Variants in USP6NL observed in about 807,000 individuals in gnomAD.
USP6NL encodes USP6 N-terminal like, also known as USP6 N-terminal-like protein.
USP6NL carries 26 observed loss-of-function variants against 61.9 expected under a neutral mutation model. That is an observed-to-expected ratio of 0.42 (90% confidence interval 0.31 to 0.58). The LOEUF is 0.58. Ranked by LOEUF, USP6NL falls within the 20% of genes least tolerant of loss-of-function variation. USP6NL has a pLI of 0.16. For missense variants in USP6NL, 1,114 were observed against 1,034.3 expected, an observed-to-expected ratio of 1.08 and a Z score of -1.06; for synonymous variants, 432 against 390.1, an observed-to-expected ratio of 1.11 and a Z score of -1.27.
chr10:11,461,409 C>T lies in USP6NL; in HGVS notation c.*1032G>A, dbSNP rs2096213672. 1 of 152,094 alleles carries T rather than the reference C, an allele frequency of 6.6e-6. No homozygotes were observed. The highest frequency in any genetic ancestry group is 1.5e-5 in the Non-Finnish European group (1 of 68,020). The allele number at this position is 152,094 out of a possible 1,614,324, so 9.4% of individuals were successfully genotyped here. On this transcript the variant is annotated 3_prime_UTR_variant, in exon 15 of 15. Coordinates refer to ENST00000609104, the MANE Select transcript of USP6NL (RefSeq NM_014688.5). ...TGGCCTGATGAGGTGCAGCAATATC[C>T]GTCGACTACATTCCATAAAGAGGAC...
At position 11,555,471 on chromosome 10, in the gene USP6NL, A is replaced by AGAG. The variant is rs1566178235; in HGVS notation, c.5-27905_5-27904insCTC. Among the ~76,000 whole-genome samples, 72 of 62,120 alleles carry AGAG rather than the reference A, an allele frequency of 1.2e-3. 1 individual carries two copies. In the East Asian group the frequency reaches 0.018, roughly 15 times the overall value. 40.8% of individuals were successfully genotyped at this position (62,120 alleles called of 152,430 possible). ...ATATATAGAGAGAGAGAGAGAGAGA[A>AGAG]AGAGAGAGAGAGAGAGAGAGAGAAG... On this transcript the variant is annotated intron_variant, in intron 2 of 14. Coordinates refer to ENST00000609104, the MANE Select transcript of USP6NL (RefSeq NM_014688.5).
At chr10:11,594,164 A>G (rs896405735) in intron 2 of USP6NL, among the ~76,000 whole-genome samples, 2 of 151,940 alleles carry the variant, frequency 1.3e-5, no homozygotes, top group Non-Finnish European at 2.9e-5. Context: ...AAGACTTACA[A>G]CCCCCTAGAA....
At chr10:11,572,121 CTATGAT>C (rs879512352) in intron 2 of USP6NL, among the ~76,000 whole-genome samples, 4 of 151,554 alleles carry the variant, frequency 2.6e-5, no homozygotes, top group Non-Finnish European at 4.4e-5. Flanking sequence ...TTCCAAGTAA[CTATGAT>C]TGTGAATGAA....
In USP6NL at chr10:11,493,190, G is replaced by A; in HGVS notation, c.423C>T (p.Ile141=). Residue 141 remains isoleucine (I), a synonymous_variant, in exon 8 of 15, where the codon ATC becomes ATT. Transcript: ENST00000609104. The part of the protein sequence containing the change: ...KHRARGCSPD[I]RQIDLDVNRT... ...GGTTGACATCCAGGTCTATTTGTCTGATGTCAGGTGAACAGCCCCGTGCTC... is the reference window on the plus strand; with the variant it reads ...GGTTGACATCCAGGTCTATTTGTCTAATGTCAGGTGAACAGCCCCGTGCTC... 6.2e-7 allele frequency: 1 copy of A among 1,612,204 alleles called. No individual in the cohort carries two copies. Among genetic ancestry groups the A allele is most frequent in the Non-Finnish European group, 8.5e-7 (1 of 1,179,064 alleles).
At position 11,490,678 on chromosome 10, in the gene USP6NL, T is replaced by C. The variant is rs74428637; in HGVS notation, c.543+154A>G. Among the ~76,000 whole-genome samples, 556 of 152,300 alleles carry C rather than the reference T, an allele frequency of 3.7e-3. 4 individuals carry two copies. The highest frequency in any genetic ancestry group is 0.013 in the African/African-American group (538 of 41,558). On this transcript the variant is annotated intron_variant, in intron 9 of 14. Transcript: ENST00000609104. The surrounding 1 kb of genome is among the most constrained non-coding windows in gnomAD (Gnocchi z 4.5). ...GCTCTGTTCTAAGGCCCTAGGGTTA[T>C]CACAGGGTTTCAGCTTAAAAAGATC...
chr10:11,509,082 C>T (rs1258701687), intron 6 of USP6NL, among the ~76,000 whole-genome samples: 1 of 152,150 alleles, frequency 6.6e-6, no homozygotes, highest in Admixed American at 6.5e-5. Context: ...TAACTTAGCA[C>T]AAACTCAACG....
In USP6NL at chr10:11,463,896, G is replaced by A. The variant is rs1832317123; in HGVS notation, c.1079-47C>T. 2 of 1,445,092 alleles carry A rather than the reference G, an allele frequency of 1.4e-6. No individual in the cohort carries two copies. Among genetic ancestry groups the A allele is most frequent in the African/African-American group, 1.4e-5 (1 of 69,532 alleles). 89.5% of individuals were successfully genotyped at this position (1,445,092 alleles called of 1,614,324 possible). On this transcript the variant is annotated intron_variant, in intron 14 of 14. Coordinates refer to ENST00000609104, the MANE Select transcript of USP6NL (RefSeq NM_014688.5). The surrounding 1 kb of genome is among the most constrained non-coding windows in gnomAD (Gnocchi z 6.3). The stretch of plus-strand genomic sequence containing the variant: ...AAGTAAGATAATACACGAGTAAACA[G>A]TAGCCAGTTGAAGCAATCCATTAGT...
intron 2 of USP6NL, among the ~76,000 whole-genome samples, chr10:11,577,486 GTTGT>G (rs974973062): frequency 6.6e-6 from 1 of 151,960 alleles, no homozygotes; most frequent in African/African-American, 2.4e-5. Context: ...CTGTATATTA[GTTGT>G]TTGTTTTTTT....
At chr10:11,580,826 G>A (rs187379335) in intron 2 of USP6NL, among the ~76,000 whole-genome samples, 25 of 152,216 alleles carry the variant, frequency 1.6e-4, no homozygotes, top group Non-Finnish European at 3.2e-4. Flanking sequence ...TGGATGGATG[G>A]ATTGATGGAG....
At chr10:11,558,706 A>G (rs1230463502) in intron 2 of USP6NL, among the ~76,000 whole-genome samples, 1 of 152,200 alleles carries the variant, frequency 6.6e-6, no homozygotes, top group Admixed American at 6.5e-5. Context: ...TATAAACTAT[A>G]TCCATTTAAT....
chr10:11,560,500 A>G (rs1291310776), intron 2 of USP6NL, among the ~76,000 whole-genome samples: 1 of 151,802 alleles, frequency 6.6e-6, no homozygotes, highest in Non-Finnish European at 1.5e-5. Flanking sequence ...TTTTTCTTAT[A>G]TAACTCTGCC....
At chr10:11,565,707 G>A (rs1429590907) in intron 2 of USP6NL, 1 of 151,980 alleles carries the variant, frequency 6.6e-6, no homozygotes, top group East Asian at 1.9e-4. Context: ...TGTCACCACA[G>A]CGTAGGGTAG....
rs1838299693 is a variant in USP6NL at position 11,595,578 on chromosome 10, T to C, written c.4+2053A>G. Among the ~76,000 whole-genome samples the C allele has an allele frequency of 6.6e-6, 1 of 152,122 alleles. No homozygotes were observed. The highest frequency in any genetic ancestry group is 1.5e-5 in the Non-Finnish European group (1 of 68,026). ...TGACCCACTAACACAGACCTGATTCTGATCTGGGAACTCCAAAGCCAGGCA... is the reference window on the plus strand; with the variant it reads ...TGACCCACTAACACAGACCTGATTCCGATCTGGGAACTCCAAAGCCAGGCA... On this transcript the variant is annotated intron_variant, in intron 2 of 14. Transcript: ENST00000609104. The surrounding 1 kb of genome is among the most constrained non-coding windows in gnomAD (Gnocchi z 5.3).
At chr10:11,541,688 A>C (rs1836074731) in intron 2 of USP6NL, among the ~76,000 whole-genome samples, 1 of 152,136 alleles carries the variant, frequency 6.6e-6, no homozygotes, top group African/African-American at 2.4e-5. Flanking sequence ...ACCTCCCTAG[A>C]TGTGCACAGA....
chr10:11,518,204 A>G lies in USP6NL; in HGVS notation c.195+331T>C, dbSNP rs147424650. Among the ~76,000 whole-genome samples the G allele has an allele frequency of 6.6e-6, 1 of 152,264 alleles. No individual in the cohort carries two copies. Among genetic ancestry groups the G allele is most frequent in the African/African-American group, 2.4e-5 (1 of 41,542 alleles). On this transcript the variant is annotated intron_variant, in intron 5 of 14. Transcript: ENST00000609104. The surrounding 1 kb of genome is among the most constrained non-coding windows in gnomAD (Gnocchi z 5.3). ...TGAGAATCACTTGTGAAGCCTTTAA[A>G]AATTACCTACCCAGAGAGGCTGATT...
intron 2 of USP6NL, among the ~76,000 whole-genome samples, chr10:11,557,082 T>G (rs144940333): frequency 2.6e-5 from 4 of 152,220 alleles, no homozygotes; most frequent in Non-Finnish European, 2.9e-5. Flanking sequence ...CTAAAGCATA[T>G]AATTTATTAT....
chr10:11,594,734 A>C (rs1838269583), intron 2 of USP6NL, among the ~76,000 whole-genome samples: 1 of 152,196 alleles, frequency 6.6e-6, no homozygotes, highest in Non-Finnish European at 1.5e-5. Context: ...AAAAATAATA[A>C]TAATAAAACA....
intron 2 of USP6NL, among the ~76,000 whole-genome samples, chr10:11,580,569 G>C (rs1360096719): frequency 6.6e-6 from 1 of 152,198 alleles, no homozygotes; most frequent in Non-Finnish European, 1.5e-5. Flanking sequence ...CTAGACAAGT[G>C]ATTGTCAATC....
rs564320513 is a variant in USP6NL, at chr10:11,562,457, G to GTATCTCT, written c.5-34897_5-34891dup. 51 of 985,312 alleles carry GTATCTCT rather than the reference G, an allele frequency of 5.2e-5. 2 individuals carry two copies. The East Asian group carries it at 5.3e-3, about 103-fold the overall frequency. 61.0% of individuals were successfully genotyped at this position (985,312 alleles called of 1,614,324 possible). On this transcript the variant is annotated intron_variant, in intron 2 of 14. Coordinates refer to ENST00000609104, the MANE Select transcript of USP6NL (RefSeq NM_014688.5). The surrounding 1 kb of genome is among the most constrained non-coding windows in gnomAD (Gnocchi z 4.8). ...AGGATGAAGACGCAGCAGTCATCAC[G>GTATCTCT]TATCTCTGAGGACAAGGATTAAGTG... is the stretch of plus-strand genomic sequence containing the variant.
Sources: gnomAD v4.1 joint callset for allele counts (sites outside exome capture counted in the v4.1 genomes callset) on GRCh38, gnomAD v4.1.1 for gene constraint, Gnocchi (gnomAD v3.1) non-coding constraint, MANE v1.5 for transcripts, NCBI Gene and HGNC (gene_info 2026-07-23, HGNC 2026-07-21) for gene names.